Variants in LIPA observed in about 807,000 individuals in gnomAD.
LIPA encodes the protein lipase A, lysosomal acid type.
A neutral mutation model predicts 40.6 loss-of-function variants in LIPA; 26 were observed. The ratio of observed to expected loss-of-function variants is 0.64; its 90% CI spans 0.47 to 0.89. The LOEUF (loss-of-function observed/expected upper bound fraction) is 0.89. LIPA is among the 40% of genes least tolerant of loss of function. LIPA has a pLI of 0.00. For synonymous variants in LIPA, 188 were observed against 168.4 expected (o/e 1.12, Z -0.90); for missense variants, 455 against 479.6 (o/e 0.95, Z 0.48).
intron 1 of LIPA, among the ~76,000 whole-genome samples, chr10:89,280,786 G>C (rs1843310678): frequency 6.6e-6 from 1 of 152,174 alleles, no homozygotes; most frequent in Non-Finnish European, 1.5e-5. Flanking sequence ...AGAAATTTCT[G>C]ACTAAGCTGC....
exon 2 of LIPA, chr10:89,412,888 G>A: frequency 3.7e-6 from 1 of 268,908 alleles, no homozygotes. Context: ...AGAGTCCGCA[G>A]CTTCATTCTT....
At chr10:89,290,003 G>C (rs549059240) in intron 1 of LIPA, among the ~76,000 whole-genome samples, 1 of 149,524 alleles carries the variant, frequency 6.7e-6, no homozygotes, top group East Asian at 2.0e-4. Context: ...AAAAAGGGTG[G>C]GGGGGACTCT....
intron 1 of LIPA, among the ~76,000 whole-genome samples, chr10:89,318,670 C>G (rs1016385449): frequency 6.6e-6 from 1 of 152,158 alleles, no homozygotes; most frequent in African/African-American, 2.4e-5. Context: ...AGAAAGTTAA[C>G]AAGGATATCC....
At chr10:89,371,642 T>C (rs1434513511) in intron 2 of LIPA, among the ~76,000 whole-genome samples, 1 of 152,218 alleles carries the variant, frequency 6.6e-6, no homozygotes, top group African/African-American at 2.4e-5. Context: ...TAAGCATTAC[T>C]GGTTTGCTGA....
At chr10:89,378,524 C>T (rs896422894) in intron 2 of LIPA, among the ~76,000 whole-genome samples, 1 of 152,158 alleles carries the variant, frequency 6.6e-6, no homozygotes, top group Non-Finnish European at 1.5e-5. Flanking sequence ...GTGAAAAAAT[C>T]ACTGACAACC....
intron 2 of LIPA, among the ~76,000 whole-genome samples, chr10:89,376,757 C>T (rs1844124906): frequency 6.6e-6 from 1 of 152,242 alleles, no homozygotes; most frequent in African/African-American, 2.4e-5. Context: ...GTCTAGTCTT[C>T]TCTTTTTCCA....
chr10:89,382,630 C>A (rs1844171251), intron 2 of LIPA, among the ~76,000 whole-genome samples: 1 of 152,212 alleles, frequency 6.6e-6, no homozygotes, highest in African/African-American at 2.4e-5. Flanking sequence ...TTCAAAGAGA[C>A]ACATCTTACC....
At chr10:89,380,058 A>C (rs1483127788) in intron 2 of LIPA, among the ~76,000 whole-genome samples, 2 of 151,730 alleles carry the variant, frequency 1.3e-5, no homozygotes, top group African/African-American at 4.8e-5. Flanking sequence ...AACAAAAGGT[A>C]TTAGTTGTGT....
At chr10:89,397,810 C>T in intron 2 of LIPA, among the ~76,000 whole-genome samples, 1 of 152,168 alleles carries the variant, frequency 6.6e-6, no homozygotes, top group East Asian at 1.9e-4. Context: ...TGAGAGTCTT[C>T]TCTGTATTAC....
intron 1 of LIPA, among the ~76,000 whole-genome samples, chr10:89,267,657 C>A (rs564897741): frequency 6.8e-6 from 1 of 146,392 alleles, no homozygotes; most frequent in African/African-American, 2.5e-5. Context: ...TGCAGCGCAC[C>A]AGCATGGCAC....
intron 3 of LIPA, among the ~76,000 whole-genome samples, chr10:89,229,405 G>A (rs1393591248): frequency 6.6e-6 from 1 of 152,210 alleles, no homozygotes; most frequent in African/African-American, 2.4e-5. Flanking sequence ...TATAGAGGTA[G>A]ACACATGCCA....
intron 1 of LIPA, among the ~76,000 whole-genome samples, chr10:89,304,452 GA>G (rs1159213591): frequency 6.6e-6 from 1 of 152,200 alleles, no homozygotes; most frequent in Non-Finnish European, 1.5e-5. Flanking sequence ...CAGTTAGAAA[GA>G]GGGGTCACAT....
chr10:89,402,176 G>C, intron 2 of LIPA: 1 of 709,980 alleles, frequency 1.4e-6, no homozygotes, highest in South Asian at 1.9e-5. Flanking sequence ...ACCTAAGTAA[G>C]TTGATCCTTT....
chr10:89,308,156 C>T (rs1410126398), intron 1 of LIPA: 1 of 152,026 alleles, frequency 6.6e-6, no homozygotes, highest in Non-Finnish European at 1.5e-5. Flanking sequence ...CACTAGAAAC[C>T]AACATAATGT....
intron 2 of LIPA, chr10:89,403,416 C>T (rs373831328): frequency 1.9e-6 from 3 of 1,613,908 alleles, no homozygotes; most frequent in African/African-American, 2.7e-5. Context: ...GCAAGACATA[C>T]ATTTCCACTA....
At chr10:89,333,222 C>A (rs566977205) in intron 1 of LIPA, among the ~76,000 whole-genome samples, 63 of 152,302 alleles carry the variant, frequency 4.1e-4, no homozygotes, top group Non-Finnish European at 7.8e-4. Flanking sequence ...GAAGGTGTTG[C>A]TTGCAGTCTC....
intron 3 of LIPA, among the ~76,000 whole-genome samples, chr10:89,241,623 C>T (rs1308081551): frequency 6.6e-6 from 1 of 152,196 alleles, no homozygotes; most frequent in Non-Finnish European, 1.5e-5. Context: ...GAATTTTCAG[C>T]TATGACTCTA....
rs747687704 is a variant in LIPA, at chr10:89,402,663, A to G, written c.61+10128T>C. 1.9e-6 allele frequency: 3 copies of G among 1,614,226 alleles called. No individual in the cohort carries two copies. In the Admixed American group the frequency reaches 5.0e-5, roughly 27 times the overall value. On this transcript the variant is annotated intron_variant, in intron 2 of 8. Transcript: ENST00000371837. ...GGAGAACATTTGCAAGAAGCTTTCAAATCCCTTCCGCTATAGAATGGAGTG... is the reference window on the plus strand; with the variant it reads ...GGAGAACATTTGCAAGAAGCTTTCAGATCCCTTCCGCTATAGAATGGAGTG...
chr10:89,384,056 C>T (rs1844184431), intron 2 of LIPA: 1 of 1,614,208 alleles, frequency 6.2e-7, no homozygotes, highest in Non-Finnish European at 8.5e-7. Flanking sequence ...ACCAGTATAT[C>T]TTCACAGGCC....
Sources: allele counts gnomAD v4.1 joint callset (sites outside exome capture counted in the v4.1 genomes callset), GRCh38; gene constraint gnomAD v4.1.1; transcripts MANE v1.5; gene names NCBI Gene and HGNC (gene_info 2026-07-23, HGNC 2026-07-21).